Variants in PCDHGB4 observed in about 807,000 individuals in gnomAD.
PCDHGB4 encodes protocadherin gamma subfamily B, 4.
Under a neutral mutation model 60.5 loss-of-function variants are expected in PCDHGB4, and 38 were observed. That is an observed-to-expected ratio of 0.63 (90% CI 0.48 to 0.82). PCDHGB4 has a LOEUF of 0.82. Among genes scored for constraint, PCDHGB4 ranks in the 40% least tolerant of loss-of-function variants. The pLI, the probability that PCDHGB4 is intolerant of heterozygous loss-of-function variation, is 0.00. For synonymous variants in PCDHGB4, 456 were observed against 509.7 expected (o/e 0.89, Z 1.42); for missense variants, 1,109 against 1,209.6 (o/e 0.92, Z 1.23).
rs113107293 is a variant in PCDHGB4, at chr5:141,432,844, A to G, written c.2397+42563A>G. ...CAGACCTCACTCTGTACCTGGTGGTAGCGGTGGCCGCGGTCTCCTGCGTCT... is the reference window on the plus strand; with the variant it reads ...CAGACCTCACTCTGTACCTGGTGGTGGCGGTGGCCGCGGTCTCCTGCGTCT... On this transcript the variant is annotated intron_variant, in intron 1 of 3. Coordinates refer to ENST00000519479, the MANE Select transcript of PCDHGB4 (RefSeq NM_003736.4). This position sits in a 1 kb window ranked among gnomAD's most constrained non-coding sequence, Gnocchi z 6.0. 0.01 allele frequency: 16,860 copies of G among 1,614,178 alleles called. 121 individuals carry two copies. Among genetic ancestry groups the G allele is most frequent in the Non-Finnish European group, 0.012 (14,441 of 1,180,006 alleles).
intron 1 of PCDHGB4, among the ~76,000 whole-genome samples, chr5:141,430,159 A>G (rs1324343997): frequency 6.6e-6 from 1 of 152,176 alleles, no homozygotes; most frequent in Non-Finnish European, 1.5e-5. Context: ...CAAGGAATCT[A>G]TTTAAAAATA....
chr5:141,393,931 A>G (rs2092877378), intron 1 of PCDHGB4: 6 of 1,614,002 alleles, frequency 3.7e-6, no homozygotes, highest in Middle Eastern at 1.6e-4. Flanking sequence ...AGTGTGCATG[A>G]CCAAGACTCT....
At position 141,390,084 on chromosome 5, in the gene PCDHGB4, G is replaced by A. The variant is rs755692863; in HGVS notation, c.2200G>A (p.Glu734Lys). Reference sequence around the variant, plus strand: ...CCAGCCTGGTCTCTGTGTTAAATCCGAATCCGTGGTTCCCCCCAACTACAG... The same window carrying A: ...CCAGCCTGGTCTCTGTGTTAAATCCAAATCCGTGGTTCCCCCCAACTACAG... The part of the protein sequence containing the change: ...CFQPGLCVKS[E>K]SVVPPNYSEG... The change falls in exon 1 of 4, where the codon GAA (glutamate) becomes AAA (lysine). Residue 734 changes from glutamate to lysine, a missense_variant. By Grantham distance (56) the Glu-to-Lys change is moderately conservative. Transcript: ENST00000519479. 8 of 1,613,954 alleles carry A rather than the reference G, an allele frequency of 5.0e-6. No homozygotes were observed. In the African/African-American group the frequency reaches 9.3e-5, roughly 19 times the overall value.
At position 141,489,969 on chromosome 5, in the gene PCDHGB4, A is replaced by C. The variant is rs746202385; in HGVS notation, c.2398-4838A>C. On this transcript the variant is annotated intron_variant, in intron 1 of 3. Coordinates refer to ENST00000519479, the MANE Select transcript of PCDHGB4 (RefSeq NM_003736.4). This position sits in a 1 kb window ranked among gnomAD's most constrained non-coding sequence, Gnocchi z 4.5. The stretch of plus-strand genomic sequence containing the variant: ...TCAATGATAATGCTCCAACCTTCCA[A>C]TCCTCAGTTCTACGTGTGGGAATCC... 4 of 1,614,008 alleles carry C rather than the reference A, an allele frequency of 2.5e-6. No individual in the cohort carries two copies.
chr5:141,432,016 C>G lies in PCDHGB4; in HGVS notation c.2397+41735C>G. 1 of 1,614,202 alleles carries G rather than the reference C, an allele frequency of 6.2e-7. No individual in the cohort carries two copies. The highest frequency in any genetic ancestry group is 1.1e-5 in the South Asian group (1 of 91,082). ...ATAGGGAACAGGTTCCTAGCTACAACATCACAGTGACCGCCACTGACCGGG... is the reference window on the plus strand; with the variant it reads ...ATAGGGAACAGGTTCCTAGCTACAAGATCACAGTGACCGCCACTGACCGGG... On this transcript the variant is annotated intron_variant, in intron 1 of 3. Coordinates refer to ENST00000519479, the MANE Select transcript of PCDHGB4 (RefSeq NM_003736.4). The surrounding 1 kb of genome is among the most constrained non-coding windows in gnomAD (Gnocchi z 6.0).
chr5:141,410,560 A>G (rs769354927), intron 1 of PCDHGB4: 3 of 1,612,824 alleles, frequency 1.9e-6, no homozygotes, highest in African/African-American at 1.3e-5. Flanking sequence ...TTTCTCCTGG[A>G]GCCTTAATTC....
intron 1 of PCDHGB4, chr5:141,422,627 C>T: frequency 6.2e-7 from 1 of 1,613,350 alleles, no homozygotes; most frequent in Non-Finnish European, 8.5e-7. Flanking sequence ...GAAAACAACC[C>T]CAGGGGTGCC....
At chr5:141,413,729 G>C (rs2095671676) in intron 1 of PCDHGB4, 1 of 1,613,378 alleles carries the variant, frequency 6.2e-7, no homozygotes, top group Non-Finnish European at 8.5e-7. Flanking sequence ...TTCTCCCTAA[G>C]AGTTCAGAGC....
Position 141,431,994 on chromosome 5 carries a change from G to A in PCDHGB4, c.2397+41713G>A, listed in dbSNP as rs2097434865. ...TTAGTCACAGACATAGTCTTGGATA[G>A]GGAACAGGTTCCTAGCTACAACATC... On this transcript the variant is annotated intron_variant, in intron 1 of 3. Coordinates refer to ENST00000519479, the MANE Select transcript of PCDHGB4 (RefSeq NM_003736.4). The surrounding 1 kb of genome is among the most constrained non-coding windows in gnomAD (Gnocchi z 4.8). 6.2e-7 allele frequency: 1 copy of A among 1,614,188 alleles called. No homozygotes were observed. Among genetic ancestry groups the A allele is most frequent in the Non-Finnish European group, 8.5e-7 (1 of 1,180,038 alleles).
In PCDHGB4 at chr5:141,505,419, C is replaced by T; in HGVS notation, c.2483C>T (p.Thr828Ile). 3 of 1,614,258 alleles carry T rather than the reference C, an allele frequency of 1.9e-6. No homozygotes were observed. Among genetic ancestry groups the T allele is most frequent in the Non-Finnish European group, 2.5e-6 (3 of 1,180,054 alleles). Residue 828 changes from threonine to isoleucine, a missense_variant, in exon 3 of 4, where the codon ACC becomes ATC. By Grantham distance (89) the Thr-to-Ile change is moderately conservative. Around this residue, in one of 2 missense-constraint regions of PCDHGB4, gnomAD observed 1,068 missense variants for 1,089.9 expected, o/e 0.98. Transcript: ENST00000519479. The part of the protein sequence containing the change: ...SGSQNGDDTG[T>I]WPNNQFDTEM... ...TCCCAAAATGGCGATGACACCGGCA[C>T]CTGGCCCAACAACCAGTTTGACACA...
intron 1 of PCDHGB4, among the ~76,000 whole-genome samples, chr5:141,469,120 T>C (rs188113354): frequency 6.6e-6 from 1 of 151,574 alleles, no homozygotes; most frequent in East Asian, 1.9e-4. Context: ...CTAAAAAAAT[T>C]TAAAAATTAG....
chr5:141,477,361 G>A lies in PCDHGB4; in HGVS notation c.2398-17446G>A. The A allele has an allele frequency of 6.2e-7, 1 of 1,614,172 alleles. No individual in the cohort carries two copies. The highest frequency in any genetic ancestry group is 8.5e-7 in the Non-Finnish European group (1 of 1,180,032). Reference sequence around the variant, plus strand: ...TCACTTTGAAAACCAGTGCAGACCTGGATCGGGAGACTGTGCCAGAATACA... The same window carrying A: ...TCACTTTGAAAACCAGTGCAGACCTAGATCGGGAGACTGTGCCAGAATACA... On this transcript the variant is annotated intron_variant, in intron 1 of 3. Coordinates refer to ENST00000519479, the MANE Select transcript of PCDHGB4 (RefSeq NM_003736.4). The surrounding 1 kb of genome is among the most constrained non-coding windows in gnomAD (Gnocchi z 4.9).
chr5:141,409,522 G>A (rs371017853), intron 1 of PCDHGB4: 30 of 1,613,874 alleles, frequency 1.9e-5, no homozygotes, highest in Non-Finnish European at 2.3e-5. Flanking sequence ...GCATCACCTT[G>A]TATGTCGCTG....
At chr5:141,408,857 G>A (rs372861749) in intron 1 of PCDHGB4, 4 of 1,613,542 alleles carry the variant, frequency 2.5e-6, no homozygotes, top group Non-Finnish European at 3.4e-6. Flanking sequence ...GGACGGAGGG[G>A]ACCCACCAAG....
At chr5:141,494,445 A>G (rs1424475551) in intron 1 of PCDHGB4, among the ~76,000 whole-genome samples, 1 of 152,158 alleles carries the variant, frequency 6.6e-6, no homozygotes, top group East Asian at 1.9e-4. Flanking sequence ...TTGCCACTTT[A>G]GGGGGCTTTG....
In PCDHGB4 at chr5:141,510,834, G is replaced by A. The variant is rs1043468083; in HGVS notation, c.2546-113G>A. 49 of 1,581,762 alleles carry A rather than the reference G, an allele frequency of 3.1e-5. 1 individual carries two copies. The highest frequency in any genetic ancestry group is 4.0e-5 in the Non-Finnish European group (46 of 1,161,670). On this transcript the variant is annotated intron_variant, in intron 3 of 3. Coordinates refer to ENST00000519479, the MANE Select transcript of PCDHGB4 (RefSeq NM_003736.4). ...GACCCCTATATTCCCAGTGCTCAGC[G>A]TGGTCAAGGCCCAGGGTGCTGTATA...
At chr5:141,463,532 T>G (rs1237301892) in intron 1 of PCDHGB4, among the ~76,000 whole-genome samples, 1 of 133,692 alleles carries the variant, frequency 7.5e-6, no homozygotes, top group African/African-American at 2.8e-5. Flanking sequence ...TACTAGAAAC[T>G]CCGGCTCCCG....
At position 141,449,274 on chromosome 5, in the gene PCDHGB4, T is replaced by C. The variant is rs569352843; in HGVS notation, c.2398-45533T>C. 3.9e-5 allele frequency among the ~76,000 whole-genome samples: 6 copies of C among 152,260 alleles called. No individual in the cohort carries two copies. In the East Asian group the frequency reaches 1.2e-3, roughly 29 times the overall value. On this transcript the variant is annotated intron_variant, in intron 1 of 3. Transcript: ENST00000519479. ...GAATTGTACAAAGAACTGTATCTCC[T>C]TCACCCGGATGCACCGGGTGAATTA...
At chr5:141,394,923 T>G in intron 1 of PCDHGB4, 2 of 1,613,816 alleles carry the variant, frequency 1.2e-6, no homozygotes, top group Non-Finnish European at 8.5e-7. Context: ...CTCCTGTGTC[T>G]TCCTCGCCTT....
Sources: gnomAD v4.1 joint callset for allele counts (sites outside exome capture counted in the v4.1 genomes callset) on GRCh38, gnomAD v4.1.1 for gene constraint, gnomAD v4.1.1 regional missense constraint, Gnocchi (gnomAD v3.1) non-coding constraint, MANE v1.5 for transcripts, NCBI Gene and HGNC (gene_info 2026-07-23, HGNC 2026-07-21) for gene names.